The following RASSF10 variants were observed in gnomAD, a reference collection of about 807,000 sequenced individuals.
The protein encoded by RASSF10 is ras association domain-containing protein 10.
In RASSF10, 22 loss-of-function variants were observed where a neutral mutation model predicts 41.5. The ratio of observed to expected loss-of-function variants is 0.53; its 90% CI spans 0.38 to 0.76. RASSF10 has a LOEUF of 0.76. Among genes scored for constraint, RASSF10 ranks in the 30% least tolerant of loss-of-function variants. RASSF10 has a pLI of 0.00. For synonymous variants in RASSF10, 364 were observed against 319.0 expected, an observed-to-expected ratio of 1.14 and a Z score of -1.50; for missense variants, 776 against 711.8, an observed-to-expected ratio of 1.09 and a Z score of -1.03.
Position 13,011,247 on chromosome 11 carries a change from C to G in RASSF10, c.*147C>G. The G allele has an allele frequency of 3.1e-6, 2 of 649,346 alleles. No individual in the cohort carries two copies. The highest frequency in any genetic ancestry group is 2.6e-6 in the Non-Finnish European group (1 of 382,618). The allele number at this position is 649,346 out of a possible 1,614,324, so 40.2% of individuals were successfully genotyped here. A position where few individuals can be genotyped will look rare whatever the true frequency, so the allele number is the denominator to read the frequency against. ...CAGCAGCGCTCTGCGCAGCCTCGCGCTCATCTGGCTCCGGGGTGAGTGCAG... is the reference window on the plus strand; with the variant it reads ...CAGCAGCGCTCTGCGCAGCCTCGCGGTCATCTGGCTCCGGGGTGAGTGCAG... On this transcript the variant is annotated 3_prime_UTR_variant, in exon 1 of 1. Coordinates refer to ENST00000529419, the MANE Select transcript of RASSF10 (RefSeq NM_001080521.3).
chr11:13,010,688 A>C lies in RASSF10; in HGVS notation c.1112A>C (p.Glu371Ala). The C allele has an allele frequency of 6.3e-7, 1 of 1,590,436 alleles. No individual in the cohort carries two copies. The highest frequency in any genetic ancestry group is 8.6e-7 in the Non-Finnish European group (1 of 1,169,338). The change falls in exon 1 of 1, where the codon GAG (glutamate) becomes GCG (alanine). Residue 371 changes from glutamate (E) to alanine (A), a missense_variant. Glu to Ala is a moderately radical substitution (Grantham distance 107). Coordinates refer to ENST00000529419, the MANE Select transcript of RASSF10 (RefSeq NM_001080521.3). This position sits in a 1 kb window ranked among gnomAD's most constrained non-coding sequence, Gnocchi z 4.8. Reference protein sequence around the residue: ...RRQEELAAREEPLEPDGGPDG... With the variant: ...RRQEELAAREAPLEPDGGPDG... ...CAGGAGGAGCTGGCGGCGCGGGAGG[A>C]GCCCCTGGAGCCCGACGGTGGCCCC...
At position 13,010,514 on chromosome 11, in the gene RASSF10, A is replaced by G; in HGVS notation, c.938A>G (p.Glu313Gly). 6.6e-7 allele frequency: 1 copy of G among 1,515,996 alleles called. No individual in the cohort carries two copies. Among genetic ancestry groups the G allele is most frequent in the South Asian group, 1.3e-5 (1 of 77,674 alleles). The allele number at this position is 1,515,996 out of a possible 1,614,324, so 93.9% of individuals were successfully genotyped here. A position where few individuals can be genotyped will look rare whatever the true frequency, so the allele number is the denominator to read the frequency against. The change falls in exon 1 of 1, where the codon GAG (glutamate) becomes GGG (glycine). Residue 313 changes from glutamate (E) to glycine (G), a missense_variant. Physicochemically the swap from Glu to Gly is moderately conservative, Grantham distance 98. Transcript: ENST00000529419. This position sits in a 1 kb window ranked among gnomAD's most constrained non-coding sequence, Gnocchi z 4.8. Reference sequence around the variant, plus strand: ...GCGGCGGCGCCCCCTCTAGCCGGCGAGGCGCAGGCGGCGGCGCTGGAGGAG... The same window carrying G: ...GCGGCGGCGCCCCCTCTAGCCGGCGGGGCGCAGGCGGCGGCGCTGGAGGAG... ...EAAAAPPLAG[E>G]AQAAALEELA...
In RASSF10 at chr11:13,010,761, T is replaced by C. The variant is rs371332585; in HGVS notation, c.1185T>C (p.Ser395=). 26 of 1,606,862 alleles carry C rather than the reference T, an allele frequency of 1.6e-5. No homozygotes were observed. The African/African-American group carries it at 3.2e-4, about 20-fold the overall frequency. ...LEQERVRTQL[S]TSLYIGLRLN... is the part of the protein sequence containing the mutation. ...AGGAACGGGTCAGGACGCAGCTCAG[T>C]ACCAGCCTTTACATTGGGCTGCGGC... Residue 395 remains serine, a synonymous_variant, in exon 1 of 1, where the codon AGT becomes AGC. Transcript: ENST00000529419. The surrounding 1 kb of genome is among the most constrained non-coding windows in gnomAD (Gnocchi z 4.8).
chr11:13,009,745 G>T lies in RASSF10; in HGVS notation c.169G>T (p.Asp57Tyr). 6.3e-7 allele frequency: 1 copy of T among 1,584,184 alleles called. No homozygotes were observed. The highest frequency in any genetic ancestry group is 8.6e-7 in the Non-Finnish European group (1 of 1,166,470). The change falls in exon 1 of 1, where the codon GAC (aspartate) becomes TAC (tyrosine). Residue 57 changes from aspartate (D) to tyrosine (Y), a missense_variant. Physicochemically the swap from Asp to Tyr is radical, Grantham distance 160. Coordinates refer to ENST00000529419, the MANE Select transcript of RASSF10 (RefSeq NM_001080521.3). ...RRSRRLGSAG[D>Y]PHGPGELPEP... ...GAGCCGGCGGCTGGGGTCGGCCGGC[G>T]ACCCGCATGGCCCGGGAGAGCTGCC...
chr11:13,010,274 T>A lies in RASSF10; in HGVS notation c.698T>A (p.Leu233His). The A allele has an allele frequency of 6.4e-7, 1 of 1,561,970 alleles. No individual in the cohort carries two copies. Among genetic ancestry groups the A allele is most frequent in the Non-Finnish European group, 8.7e-7 (1 of 1,153,382 alleles). The part of the protein sequence containing the change: ...ERMETLVHLV[L>H]SQDHTIRQQV... ...ATGGAGACGCTGGTGCATCTGGTGC[T>A]TTCCCAGGACCACACAATTCGCCAG... is the stretch of plus-strand genomic sequence containing the variant. The change falls in exon 1 of 1, where the codon CTT (leucine) becomes CAT (histidine). Residue 233 changes from leucine to histidine, a missense_variant. By Grantham distance (99) the Leu-to-His change is moderately conservative (BLOSUM62 -3). Transcript: ENST00000529419. The surrounding 1 kb of genome is among the most constrained non-coding windows in gnomAD (Gnocchi z 4.8).
chr11:13,009,903 C>T lies in RASSF10; in HGVS notation c.327C>T (p.Arg109=). 1 of 1,603,364 alleles carries T rather than the reference C, an allele frequency of 6.2e-7. No homozygotes were observed. Among genetic ancestry groups the T allele is most frequent in the Non-Finnish European group, 8.5e-7 (1 of 1,175,396 alleles). The change falls in exon 1 of 1, where the codon CGC becomes CGT. Residue 109 remains arginine, a synonymous_variant. Coordinates refer to ENST00000529419, the MANE Select transcript of RASSF10 (RefSeq NM_001080521.3). ...AGCGCATCCTCCCCAACAAGACGCG[C>T]ATCTTGCGCCTCTGGGCTGCCTGGG... ...GFERILPNKT[R]ILRLWAAWGE...
Position 13,009,701 on chromosome 11 carries a change from GGCGACGGAGACA to G in RASSF10, c.129_140del (p.Arg45_Arg48del). 1 of 1,594,378 alleles carries G rather than the reference GGCGACGGAGACA, an allele frequency of 6.3e-7. No homozygotes were observed. The highest frequency in any genetic ancestry group is 8.5e-7 in the Non-Finnish European group (1 of 1,170,700). ...GTGCTTTTGGAGGACGGCTGCCGGC[GGCGACGGAGACA>G]GCGGCGGAGCCGGCGGCTGGGGTCG... is the stretch of plus-strand genomic sequence containing the variant. On this transcript the variant is annotated inframe_deletion, in exon 1 of 1. Coordinates refer to ENST00000529419, the MANE Select transcript of RASSF10 (RefSeq NM_001080521.3).
chr11:13,011,246 G>T lies in RASSF10; in HGVS notation c.*146G>T. Reference sequence around the variant, plus strand: ...GCAGCAGCGCTCTGCGCAGCCTCGCGCTCATCTGGCTCCGGGGTGAGTGCA... The same window carrying T: ...GCAGCAGCGCTCTGCGCAGCCTCGCTCTCATCTGGCTCCGGGGTGAGTGCA... On this transcript the variant is annotated 3_prime_UTR_variant, in exon 1 of 1. Transcript: ENST00000529419. The T allele has an allele frequency of 1.5e-6, 1 of 649,038 alleles. No homozygotes were observed. Among genetic ancestry groups the T allele is most frequent in the Non-Finnish European group, 2.6e-6 (1 of 382,244 alleles). The allele number at this position is 649,038 out of a possible 1,614,324, so 40.2% of individuals were successfully genotyped here.
chr11:13,009,845 G>T lies in RASSF10; in HGVS notation c.269G>T (p.Cys90Phe), dbSNP rs1276308608. The T allele has an allele frequency of 6.2e-7, 1 of 1,606,818 alleles. No homozygotes were observed. The highest frequency in any genetic ancestry group is 8.5e-7 in the Non-Finnish European group (1 of 1,177,482). The change falls in exon 1 of 1, where the codon TGC becomes TTC. Residue 90 changes from cysteine to phenylalanine, a missense_variant. By Grantham distance (205) the Cys-to-Phe change is radical. Transcript: ENST00000529419. ...GGCATGCTGTGCGGGCCCCCGCAGTGCTATTGCATCGTGGAGAAGTGGCGC... is the reference window on the plus strand; with the variant it reads ...GGCATGCTGTGCGGGCCCCCGCAGTTCTATTGCATCGTGGAGAAGTGGCGC... ...PQGMLCGPPQ[C>F]YCIVEKWRGF... is the part of the protein sequence containing the mutation.
chr11:13,009,601 T>C lies in RASSF10; in HGVS notation c.25T>C (p.Ser9Pro), dbSNP rs548352711. Residue 9 changes from serine (S) to proline (P), a missense_variant, in exon 1 of 1, where the codon TCG becomes CCG. Physicochemically the swap from Ser to Pro is moderately conservative, Grantham distance 74. Transcript: ENST00000529419. MDPSEKKISVWICQEEKLV... is the reference protein window; with the variant it reads MDPSEKKIPVWICQEEKLV... ...CATGGATCCTTCGGAAAAGAAGATA[T>C]CGGTGTGGATCTGCCAGGAAGAGAA... 2.4e-5 allele frequency: 38 copies of C among 1,611,024 alleles called. 1 individual carries two copies. In the Middle Eastern group the frequency reaches 6.6e-4, roughly 28 times the overall value.
At position 13,010,702 on chromosome 11, in the gene RASSF10, G is replaced by C. The variant is rs1949571401; in HGVS notation, c.1126G>C (p.Asp376His). The C allele has an allele frequency of 1.3e-6, 2 of 1,592,694 alleles. No homozygotes were observed. Among genetic ancestry groups the C allele is most frequent in the Middle Eastern group, 1.7e-4 (1 of 5,976 alleles). Residue 376 changes from aspartate to histidine, a missense_variant, in exon 1 of 1, where the codon GAC (aspartate) becomes CAC (histidine). By Grantham distance (81) the Asp-to-His change is moderately conservative. Coordinates refer to ENST00000529419, the MANE Select transcript of RASSF10 (RefSeq NM_001080521.3). This position sits in a 1 kb window ranked among gnomAD's most constrained non-coding sequence, Gnocchi z 4.8. ...GGCGCGGGAGGAGCCCCTGGAGCCC[G>C]ACGGTGGCCCCGACGGCGAGCTGCT... ...LAAREEPLEP[D>H]GGPDGELLLE...
chr11:13,009,615 C>T lies in RASSF10; in HGVS notation c.39C>T (p.Cys13=), dbSNP rs757598973. The T allele has an allele frequency of 1.3e-5, 21 of 1,610,276 alleles. No homozygotes were observed. Among genetic ancestry groups the T allele is most frequent in the Non-Finnish European group, 1.8e-5 (21 of 1,178,648 alleles). The part of the protein sequence containing the change: ...PSEKKISVWI[C]QEEKLVSGLS... ...AAAAGAAGATATCGGTGTGGATCTG[C>T]CAGGAAGAGAAGCTGGTGTCCGGCC... The change falls in exon 1 of 1, where the codon TGC becomes TGT. Residue 13 remains cysteine, a synonymous_variant. Transcript: ENST00000529419.
rs1590033263 is a variant in RASSF10 at position 13,010,453 on chromosome 11, G to T, written c.877G>T (p.Glu293Ter). The change falls in exon 1 of 1, where the codon GAG becomes TAG. Residue 293 changes from glutamate to a stop codon, truncating the protein, a stop_gained. Transcript: ENST00000529419. LOFTEE classifies it high-confidence loss of function. The surrounding 1 kb of genome is among the most constrained non-coding windows in gnomAD (Gnocchi z 4.8). ...GCTCGACGGGTCCAGACCGGGAGAGGAGCCAGAAGAGGTGGCGGCGGAGGC... is the reference window on the plus strand; with the variant it reads ...GCTCGACGGGTCCAGACCGGGAGAGTAGCCAGAAGAGGTGGCGGCGGAGGC... Reference protein sequence around the residue: ...IELDGSRPGEEPEEVAAEAEE... With the variant: ...IELDGSRPGE The T allele has an allele frequency of 6.5e-7, 1 of 1,534,390 alleles. No individual in the cohort carries two copies. Among genetic ancestry groups the T allele is most frequent in the East Asian group, 2.5e-5 (1 of 40,576 alleles).
Position 13,010,336 on chromosome 11 carries a change from G to C in RASSF10, c.760G>C (p.Asp254His). The C allele has an allele frequency of 6.4e-7, 1 of 1,551,480 alleles. No individual in the cohort carries two copies. Among genetic ancestry groups the C allele is most frequent in the South Asian group, 1.2e-5 (1 of 84,062 alleles). Residue 254 changes from aspartate to histidine, a missense_variant, in exon 1 of 1, where the codon GAT (aspartate) becomes CAT (histidine). Asp to His is a moderately conservative substitution (Grantham distance 81). Transcript: ENST00000529419. The surrounding 1 kb of genome is among the most constrained non-coding windows in gnomAD (Gnocchi z 4.8). ...GCTCCACGAGCTGGACCGCGAGATC[G>C]ATCACTACGAGGCCAAGGTGCACCT... ...QRLHELDREI[D>H]HYEAKVHLDR...
At position 13,010,575 on chromosome 11, in the gene RASSF10, G is replaced by C; in HGVS notation, c.999G>C (p.Gln333His). The C allele has an allele frequency of 6.4e-7, 1 of 1,561,452 alleles. No homozygotes were observed. The highest frequency in any genetic ancestry group is 8.7e-7 in the Non-Finnish European group (1 of 1,152,496). Reference sequence around the variant, plus strand: ...GCTGCGACGACTTGCTGCGGCTTCAGGAGCAACGGGTTCAGCAGGAGGAGT... The same window carrying C: ...GCTGCGACGACTTGCTGCGGCTTCACGAGCAACGGGTTCAGCAGGAGGAGT... ...ARRCDDLLRL[Q>H]EQRVQQEELL... The change falls in exon 1 of 1, where the codon CAG becomes CAC. Residue 333 changes from glutamine to histidine, a missense_variant. Gln to His is a conservative substitution (Grantham distance 24). Transcript: ENST00000529419. The surrounding 1 kb of genome is among the most constrained non-coding windows in gnomAD (Gnocchi z 4.8).
chr11:13,010,472 CGGAGGCGGA>C lies in RASSF10; in HGVS notation c.905_913del (p.Glu302_Ala304del), dbSNP rs1040671209. The C allele has an allele frequency of 3.3e-6, 5 of 1,522,998 alleles. No individual in the cohort carries two copies. The highest frequency in any genetic ancestry group is 2.8e-5 in the African/African-American group (2 of 72,040). 94.3% of individuals were successfully genotyped at this position (1,522,998 alleles called of 1,614,324 possible). On this transcript the variant is annotated inframe_deletion, in exon 1 of 1. Transcript: ENST00000529419. This position sits in a 1 kb window ranked among gnomAD's most constrained non-coding sequence, Gnocchi z 4.8. ...GGAGAGGAGCCAGAAGAGGTGGCGG[CGGAGGCGGA>C]GGAGGCGGCGGCGGCGCCCCCTCTA...
chr11:13,010,885 C>T lies in RASSF10; in HGVS notation c.1309C>T (p.His437Tyr). 6.2e-7 allele frequency: 1 copy of T among 1,613,930 alleles called. No individual in the cohort carries two copies. Among genetic ancestry groups the T allele is most frequent in the Non-Finnish European group, 8.5e-7 (1 of 1,179,870 alleles). The change falls in exon 1 of 1, where the codon CAC (histidine) becomes TAC (tyrosine). Residue 437 changes from histidine to tyrosine, a missense_variant. His to Tyr is a moderately conservative substitution (Grantham distance 83). Coordinates refer to ENST00000529419, the MANE Select transcript of RASSF10 (RefSeq NM_001080521.3). The surrounding 1 kb of genome is among the most constrained non-coding windows in gnomAD (Gnocchi z 4.8). ...RELQGLLQTL[H>Y]TLELTVAPDG... The stretch of plus-strand genomic sequence containing the variant: ...GCTACAGGGCCTTCTGCAAACTTTG[C>T]ACACTTTGGAGCTGACGGTGGCACC...
rs755617171 is a variant in RASSF10 at position 13,011,461 on chromosome 11, T to C, written c.*361T>C. 5.3e-6 allele frequency: 1 copy of C among 188,712 alleles called. No individual in the cohort carries two copies. The highest frequency in any genetic ancestry group is 1.1e-5 in the Non-Finnish European group (1 of 90,120). The allele number at this position is 188,712 out of a possible 1,614,324, so 11.7% of individuals were successfully genotyped here. A position where few individuals can be genotyped will look rare whatever the true frequency, so the allele number is the denominator to read the frequency against. On this transcript the variant is annotated 3_prime_UTR_variant, in exon 1 of 1. Transcript: ENST00000529419. The stretch of plus-strand genomic sequence containing the variant: ...TACTCTTCTGTATGGGAAGGACTGA[T>C]GGCAGCTAGAACTTTAGTTTGTGGT...
At position 13,009,993 on chromosome 11, in the gene RASSF10, C is replaced by A. The variant is rs1041638121; in HGVS notation, c.417C>A (p.Gly139=). ...GCGAGGCATCGCTGCCTAACGCCGG[C>A]CCCCGCAGCGCCGAGGCGCGCGTAG... ...VRSEASLPNA[G]PRSAEARVVL... Residue 139 remains glycine (G), a synonymous_variant, in exon 1 of 1, where the codon GGC becomes GGA. Transcript: ENST00000529419. 6.5e-7 allele frequency: 1 copy of A among 1,545,108 alleles called. No homozygotes were observed. Among genetic ancestry groups the A allele is most frequent in the African/African-American group, 1.4e-5 (1 of 73,036 alleles).
Sources: allele counts gnomAD v4.1 joint callset, GRCh38; gene constraint gnomAD v4.1.1; non-coding constraint Gnocchi (gnomAD v3.1); transcripts MANE v1.5; gene names NCBI Gene and HGNC (gene_info 2026-07-23, HGNC 2026-07-21).